Variants in ANO10 observed in about 807,000 individuals in gnomAD.
ANO10 encodes anoctamin 10.
A neutral mutation model predicts 74.7 loss-of-function variants in ANO10; 77 were observed. The ratio of observed to expected loss-of-function variants is 1.03; its 90% confidence interval spans 0.86 to 1.25. The LOEUF is 1.25. Among genes scored for constraint, ANO10 ranks in the 50% most tolerant of loss-of-function variants. The pLI, the probability that ANO10 is intolerant of heterozygous loss-of-function variation, is 0.00. For missense variants in ANO10, 721 were observed against 778.1 expected (o/e 0.93, Z 0.87); for synonymous variants, 279 against 284.9 (o/e 0.98, Z 0.21).
intron 11 of ANO10, among the ~76,000 whole-genome samples, chr3:43,546,091 A>G (rs984211617): frequency 1.3e-5 from 2 of 152,218 alleles, no homozygotes; most frequent in African/African-American, 4.8e-5. Context: ...TTGAGAAACC[A>G]AAGCTAGGGC....
chr3:43,409,446 A>G (rs1203898095), intron 12 of ANO10, among the ~76,000 whole-genome samples: 3 of 152,032 alleles, frequency 2.0e-5, no homozygotes, highest in Non-Finnish European at 4.4e-5. Flanking sequence ...TTGTGGGGTG[A>G]GGTGCTAGGA....
chr3:43,644,372 A>C (rs913950879), intron 1 of ANO10, among the ~76,000 whole-genome samples: 1 of 152,190 alleles, frequency 6.6e-6, no homozygotes. Flanking sequence ...GCACACAGAG[A>C]CAAAGAAGCA....
chr3:43,592,921 T>A (rs1038992402), intron 4 of ANO10, among the ~76,000 whole-genome samples: 1 of 152,136 alleles, frequency 6.6e-6, no homozygotes, highest in African/African-American at 2.4e-5. Context: ...TTAAATGACC[T>A]GATAGAGCTG....
At chr3:43,465,713 T>C (rs2149038933) in intron 11 of ANO10, among the ~76,000 whole-genome samples, 1 of 152,308 alleles carries the variant, frequency 6.6e-6, no homozygotes, top group Non-Finnish European at 1.5e-5. Flanking sequence ...CATTACTGAT[T>C]GTAATGTTGT....
At chr3:43,558,110 GAA>G (rs781606523) in intron 9 of ANO10, among the ~76,000 whole-genome samples, 3 of 55,962 alleles carry the variant, frequency 5.4e-5, no homozygotes, top group African/African-American at 1.7e-4. Context: ...TGTCTCACCA[GAA>G]AAAAAAAAAA....
At chr3:43,419,762 C>T (rs2092793085) in intron 12 of ANO10, among the ~76,000 whole-genome samples, 1 of 152,090 alleles carries the variant, frequency 6.6e-6, no homozygotes, top group Non-Finnish European at 1.5e-5. Flanking sequence ...ACAATCCACC[C>T]ACCTCGGCCT....
At chr3:43,657,545 G>C (rs1172136459) in intron 1 of ANO10, among the ~76,000 whole-genome samples, 1 of 152,190 alleles carries the variant, frequency 6.6e-6, no homozygotes, top group African/African-American at 2.4e-5. Context: ...GAAGGCATTT[G>C]ACCCAAGTTA....
At chr3:43,505,961 T>C (rs993249633) in intron 11 of ANO10, among the ~76,000 whole-genome samples, 9 of 152,180 alleles carry the variant, frequency 5.9e-5, no homozygotes, top group African/African-American at 2.2e-4. Context: ...GGATTTAAGA[T>C]GTAAATTATT....
intron 12 of ANO10, among the ~76,000 whole-genome samples, chr3:43,390,818 G>A (rs527312508): frequency 1.3e-5 from 2 of 152,360 alleles, no homozygotes; most frequent in East Asian, 1.9e-4. Flanking sequence ...AGTAGAATGA[G>A]TGTATTCTCA....
chr3:43,376,451 A>G (rs1285807727), intron 12 of ANO10, among the ~76,000 whole-genome samples: 4 of 152,210 alleles, frequency 2.6e-5, no homozygotes, highest in Admixed American at 2.6e-4. Context: ...ATAAATAAAA[A>G]GAATCAAAGT....
intron 11 of ANO10, chr3:43,484,972 CT>C (rs1439494562): frequency 7.3e-7 from 1 of 1,369,020 alleles, no homozygotes; most frequent in African/African-American, 1.4e-5. Context: ...GGCCCTGCAC[CT>C]AGAAGAAGGT....
chr3:43,372,841 T>A (rs1229159292), intron 12 of ANO10: 8 of 1,535,426 alleles, frequency 5.2e-6, no homozygotes, highest in African/African-American at 1.4e-5. Context: ...AGCTTGCAGC[T>A]TGCAGCCTGC....
chr3:43,416,834 T>A (rs1285292138), intron 12 of ANO10, among the ~76,000 whole-genome samples: 1 of 152,222 alleles, frequency 6.6e-6, no homozygotes, highest in African/African-American at 2.4e-5. Flanking sequence ...TCAACCATTC[T>A]GGGGAGGCAA....
At chr3:43,424,047 C>A (rs1277651620) in intron 12 of ANO10, among the ~76,000 whole-genome samples, 1 of 152,194 alleles carries the variant, frequency 6.6e-6, no homozygotes, top group Non-Finnish European at 1.5e-5. Context: ...CCCTCATCAT[C>A]CTCATTCCCC....
chr3:43,601,252 T>A (rs909885502), intron 2 of ANO10, among the ~76,000 whole-genome samples: 14 of 152,194 alleles, frequency 9.2e-5, no homozygotes, highest in African/African-American at 3.1e-4. Flanking sequence ...ATTGCCCAGG[T>A]TGGAGTACGG....
At chr3:43,511,977 T>C (rs960398554) in intron 11 of ANO10, among the ~76,000 whole-genome samples, 44 of 152,292 alleles carry the variant, frequency 2.9e-4, no homozygotes, top group Admixed American at 9.2e-4. Flanking sequence ...CAGCAGAGTC[T>C]TGTCATCTAA....
intron 1 of ANO10, among the ~76,000 whole-genome samples, chr3:43,673,111 T>C (rs2084079564): frequency 6.6e-6 from 1 of 152,336 alleles, no homozygotes; most frequent in East Asian, 1.9e-4. Context: ...ATGACATATT[T>C]CAGTGTGGAA....
At chr3:43,591,058 A>G (rs1263753258) in intron 4 of ANO10, among the ~76,000 whole-genome samples, 2 of 152,190 alleles carry the variant, frequency 1.3e-5, no homozygotes, top group East Asian at 3.8e-4. Flanking sequence ...CAGGCATTTG[A>G]GCAGGGAGCG....
At chr3:43,686,293 C>G (rs923950667) in intron 1 of ANO10, among the ~76,000 whole-genome samples, 1 of 151,316 alleles carries the variant, frequency 6.6e-6, no homozygotes. Flanking sequence ...AACTTTTATT[C>G]TTTTTTTTTG....
Sources: gnomAD v4.1 joint callset for allele counts (sites outside exome capture counted in the v4.1 genomes callset) on GRCh38, gnomAD v4.1.1 for gene constraint, MANE v1.5 for transcripts, NCBI Gene and HGNC (gene_info 2026-07-23, HGNC 2026-07-21) for gene names.